The following CTNND2 variants were observed in gnomAD, a reference collection of about 807,000 sequenced individuals.
The protein encoded by CTNND2 is catenin delta 2, also known as catenin delta-2.
In CTNND2, 22 loss-of-function variants were observed where a neutral mutation model predicts 144.4. The observed-to-expected ratio is 0.15, with a 90% CI of 0.11 to 0.22. The LOEUF (loss-of-function observed/expected upper bound fraction) is 0.22. CTNND2 is among the 10% of genes least tolerant of loss of function. The probability of loss-of-function intolerance (pLI) is 1.00; values close to 1 mark genes in which losing one functional copy is unlikely to be tolerated. For synonymous variants in CTNND2, 751 were observed against 695.6 expected, an observed-to-expected ratio of 1.08 and a Z score of -1.25; for missense variants, 1,353 against 1,618.8, an observed-to-expected ratio of 0.84 and a Z score of 2.82.
At position 10,973,815 on chromosome 5, in the gene CTNND2, T is replaced by C. The variant is rs1566624; in HGVS notation, c.3418-102A>G. ...TCTCCTTCAAAGAATAGGCTGTGTA[T>C]ATCCAGGCATTCACCACTGTGGCCC... On this transcript the variant is annotated intron_variant, in intron 21 of 21. Transcript: ENST00000304623. This position sits in a 1 kb window ranked among gnomAD's most constrained non-coding sequence, Gnocchi z 5.6. 0.26 allele frequency: 341,925 copies of C among 1,323,536 alleles called. 46,438 individuals carry two copies. Among genetic ancestry groups the C allele is most frequent in the African/African-American group, 0.44 (29,909 of 67,870 alleles). 82.0% of individuals were successfully genotyped at this position (1,323,536 alleles called of 1,614,324 possible).
chr5:11,185,431 G>C (rs1735526505), intron 11 of CTNND2, among the ~76,000 whole-genome samples: 1 of 152,184 alleles, frequency 6.6e-6, no homozygotes, highest in Non-Finnish European at 1.5e-5. Context: ...AGGAAGACAA[G>C]AAGGTCACCT....
chr5:11,101,948 C>A (rs542638620), intron 14 of CTNND2, among the ~76,000 whole-genome samples: 1 of 146,832 alleles, frequency 6.8e-6, no homozygotes, highest in Non-Finnish European at 1.5e-5. Flanking sequence ...CCTCAGGTTG[C>A]AGTTTAAAAA....
chr5:11,050,392 T>C (rs1745710582), intron 16 of CTNND2, among the ~76,000 whole-genome samples: 1 of 152,236 alleles, frequency 6.6e-6, no homozygotes, highest in African/African-American at 2.4e-5. Context: ...TTGTATCTAC[T>C]GCTACAAATG....
At chr5:11,390,547 T>A (rs1377586970) in intron 6 of CTNND2, among the ~76,000 whole-genome samples, 1 of 152,238 alleles carries the variant, frequency 6.6e-6, no homozygotes, top group Non-Finnish European at 1.5e-5. Flanking sequence ...GAGTAAGCCC[T>A]GTCACTAAGC....
chr5:11,401,714 C>T (rs186530430), intron 5 of CTNND2, among the ~76,000 whole-genome samples: 3 of 152,220 alleles, frequency 2.0e-5, no homozygotes, highest in East Asian at 1.9e-4. Context: ...CCACTAATGT[C>T]GGGGGAACTG....
chr5:11,647,518 G>A (rs1782418619), intron 2 of CTNND2, among the ~76,000 whole-genome samples: 1 of 151,790 alleles, frequency 6.6e-6, no homozygotes, highest in Non-Finnish European at 1.5e-5. Flanking sequence ...TTTGCTGATA[G>A]TGCCCCCCGC....
intron 9 of CTNND2, among the ~76,000 whole-genome samples, chr5:11,337,130 G>A (rs919400765): frequency 3.3e-5 from 5 of 152,050 alleles, no homozygotes; most frequent in African/African-American, 9.7e-5. Flanking sequence ...GCATTCCTTC[G>A]AAACCACTTC....
chr5:11,803,776 C>T lies in CTNND2; in HGVS notation c.38-71504G>A, dbSNP rs189930914. ...ACGACCCATTGAATTTTATATCACT[C>T]GTCTTATAATTCACTGTTGTATCAC... On this transcript the variant is annotated intron_variant, in intron 1 of 21. Transcript: ENST00000304623. 8.7e-4 allele frequency among the ~76,000 whole-genome samples: 132 copies of T among 152,268 alleles called. 1 individual carries two copies. Among genetic ancestry groups the T allele is most frequent in the Non-Finnish European group, 1.4e-3 (93 of 68,016 alleles).
chr5:11,012,693 G>A (rs1285708976), intron 18 of CTNND2, among the ~76,000 whole-genome samples: 2 of 152,218 alleles, frequency 1.3e-5, no homozygotes, highest in Non-Finnish European at 2.9e-5. Context: ...GCAGGGCTGT[G>A]CTGTGGACCC....
intron 2 of CTNND2, among the ~76,000 whole-genome samples, chr5:11,594,827 T>C (rs991374381): frequency 3.9e-5 from 6 of 152,200 alleles, no homozygotes; most frequent in African/African-American, 9.6e-5. Context: ...GACTTGGTAG[T>C]GATTTACAAA....
At chr5:11,755,757 T>C (rs895901410) in intron 1 of CTNND2, among the ~76,000 whole-genome samples, 1 of 151,530 alleles carries the variant, frequency 6.6e-6, no homozygotes, top group Non-Finnish European at 1.5e-5. Flanking sequence ...ATGAAATTCT[T>C]GAAGTGAGCT....
chr5:11,580,533 T>C (rs1032182843), intron 2 of CTNND2, among the ~76,000 whole-genome samples: 3 of 152,210 alleles, frequency 2.0e-5, no homozygotes, highest in Non-Finnish European at 4.4e-5. Flanking sequence ...CCAAATCTGA[T>C]CTAGTTCTAA....
chr5:11,184,939 T>C lies in CTNND2; in HGVS notation c.1975+14509A>G, dbSNP rs61668352. ...CAATGCAAGGAGAGTGGCAAGCAGA[T>C]ATGCAGAAGGAAGCTGCTTTGCGCA... On this transcript the variant is annotated intron_variant, in intron 11 of 21. Coordinates refer to ENST00000304623, the MANE Select transcript of CTNND2 (RefSeq NM_001332.4). 1.3e-4 allele frequency among the ~76,000 whole-genome samples: 20 copies of C among 152,332 alleles called. No individual in the cohort carries two copies. In the East Asian group the frequency reaches 3.3e-3, roughly 25 times the overall value.
chr5:11,280,895 G>A (rs1747043343), intron 9 of CTNND2, among the ~76,000 whole-genome samples: 1 of 152,040 alleles, frequency 6.6e-6, no homozygotes. Context: ...TCAACTCCCT[G>A]GATCAAGGAG....
chr5:11,069,677 C>T (rs1580195259), intron 16 of CTNND2, among the ~76,000 whole-genome samples: 1 of 29,762 alleles, frequency 3.4e-5, no homozygotes, highest in Non-Finnish European at 6.3e-5. Flanking sequence ...GACAGACAGA[C>T]AGAGAGACAG....
rs144991902 is a variant in CTNND2 at position 11,842,634 on chromosome 5, G to A, written c.37+61183C>T. ...CTCAGGAGGCTGAGGCAGGAGAACC[G>A]CGTGAACCTGGGAGGCAGAGCTTGC... On this transcript the variant is annotated intron_variant, in intron 1 of 21. Coordinates refer to ENST00000304623, the MANE Select transcript of CTNND2 (RefSeq NM_001332.4). Among the ~76,000 whole-genome samples, 580 of 151,548 alleles carry A rather than the reference G, an allele frequency of 3.8e-3. 4 individuals are homozygous for A. Among genetic ancestry groups the A allele is most frequent in the African/African-American group, 0.013 (547 of 41,144 alleles).
In CTNND2 at chr5:11,705,843, T is replaced by C. The variant is rs113567850; in HGVS notation, c.174+26293A>G. ...TGACTTGCTCCTAATCAAAAGAATA[T>C]AGCACAGTGATGGGATGTCATACCT... On this transcript the variant is annotated intron_variant, in intron 2 of 21. Transcript: ENST00000304623. Among the ~76,000 whole-genome samples the C allele has an allele frequency of 5.3e-4, 80 of 152,294 alleles. 1 individual carries two copies. Among genetic ancestry groups the C allele is most frequent in the African/African-American group, 1.7e-3 (72 of 41,568 alleles).
chr5:11,830,080 A>T (rs188438932), intron 1 of CTNND2, among the ~76,000 whole-genome samples: 1 of 152,310 alleles, frequency 6.6e-6, no homozygotes, highest in African/African-American at 2.4e-5. Context: ...TCCCATTAGG[A>T]ATGGCTGTAT....
chr5:11,755,344 C>A (rs1011828384), intron 1 of CTNND2, among the ~76,000 whole-genome samples: 1 of 151,696 alleles, frequency 6.6e-6, no homozygotes, highest in African/African-American at 2.4e-5. Flanking sequence ...TTGTGGATGA[C>A]CTGTAACTTC....
Sources: gnomAD v4.1 joint callset for allele counts (sites outside exome capture counted in the v4.1 genomes callset) on GRCh38, gnomAD v4.1.1 for gene constraint, Gnocchi (gnomAD v3.1) non-coding constraint, MANE v1.5 for transcripts, NCBI Gene and HGNC (gene_info 2026-07-23, HGNC 2026-07-21) for gene names.